RAD54L2: variants seen among roughly 807,000 people sequenced by gnomAD.
RAD54L2 encodes RAD54 like 2, also known as helicase ARIP4.
RAD54L2 carries 27 observed loss-of-function variants against 138.4 expected under a neutral mutation model. The ratio of observed to expected loss-of-function variants is 0.20; its 90% CI spans 0.14 to 0.27. The LOEUF (loss-of-function observed/expected upper bound fraction) is 0.27, where lower values mean the gene tolerates loss of function less well. RAD54L2 is among the 10% of genes least tolerant of loss of function. The probability of loss-of-function intolerance (pLI) is 1.00; values close to 1 mark genes in which losing one functional copy is unlikely to be tolerated. For missense variants in RAD54L2, 1,396 were observed against 1,890.2 expected, an observed-to-expected ratio of 0.74 and a Z score of 4.85; for synonymous variants, 644 against 723.2, an observed-to-expected ratio of 0.89 and a Z score of 1.76.
intron 2 of RAD54L2, among the ~76,000 whole-genome samples, chr3:51,567,233 G>C (rs9816075): frequency 1.3e-5 from 2 of 152,074 alleles, no homozygotes; most frequent in African/African-American, 2.4e-5. Context: ...CTTTTTATAA[G>C]CATAGCTGTG....
chr3:51,552,315 T>C (rs1698858082), intron 2 of RAD54L2, among the ~76,000 whole-genome samples: 1 of 151,952 alleles, frequency 6.6e-6, no homozygotes, highest in Admixed American at 6.6e-5. Context: ...CAGGCTAGAG[T>C]GCAGTGGCAA....
chr3:51,657,520 T>A (rs572562823), intron 20 of RAD54L2, 60 bp from the exon 21 acceptor site: 10 of 1,187,900 alleles, frequency 8.4e-6, no homozygotes, highest in Non-Finnish European at 1.2e-5. Context: ...CTTTGCAATT[T>A]TCCCCCCTCC....
chr3:51,635,214 C>T (rs1313114897), intron 9 of RAD54L2, among the ~76,000 whole-genome samples: 2 of 152,150 alleles, frequency 1.3e-5, no homozygotes, highest in Admixed American at 6.5e-5. Flanking sequence ...CAGAATGTTG[C>T]CCTTCCTTCT....
chr3:51,565,748 C>T (rs140589968), intron 2 of RAD54L2, among the ~76,000 whole-genome samples: 1,962 of 150,308 alleles, frequency 0.013, 21 homozygotes, highest in South Asian at 0.024. Flanking sequence ...GCTGGGATTA[C>T]AGGCGTGAGC....
Position 51,638,416 on chromosome 3 carries a change from A to G in RAD54L2, c.1860+95A>G. On this transcript the variant is annotated intron_variant, in intron 12 of 22. Coordinates refer to ENST00000684192, the MANE Select transcript of RAD54L2 (RefSeq NM_015106.4). This position sits in a 1 kb window ranked among gnomAD's most constrained non-coding sequence, Gnocchi z 4.3. ...TACTGAGAGTCTTCAATAAAGGGAG[A>G]ATAAAGTGAGAGGGGGCCACCTCAG... 1 of 1,467,994 alleles carries G rather than the reference A, an allele frequency of 6.8e-7. No individual in the cohort carries two copies. Among genetic ancestry groups the G allele is most frequent in the Non-Finnish European group, 9.3e-7 (1 of 1,074,098 alleles). 90.9% of individuals were successfully genotyped at this position (1,467,994 alleles called of 1,614,324 possible). A position where few individuals can be genotyped will look rare whatever the true frequency, so the allele number is the denominator to read the frequency against.
intron 3 of RAD54L2, among the ~76,000 whole-genome samples, chr3:51,610,657 A>AAAAAAAAAAAAAAAAAC (rs1180965179): frequency 6.6e-6 from 1 of 151,276 alleles, no homozygotes; most frequent in African/African-American, 2.4e-5. Context: ...AAAAAAAAAA[A>AAAAAAAAAAAAAAAAAC]CAGAAAGAAT....
chr3:51,654,630 C>A (rs1033453346), intron 19 of RAD54L2, among the ~76,000 whole-genome samples: 3 of 152,168 alleles, frequency 2.0e-5, no homozygotes, highest in Non-Finnish European at 4.4e-5. Flanking sequence ...CCATTCCTCC[C>A]TCTTTTTTTT....
chr3:51,573,636 A>T (rs563308479), intron 2 of RAD54L2, among the ~76,000 whole-genome samples: 43 of 152,064 alleles, frequency 2.8e-4, no homozygotes, highest in Middle Eastern at 3.4e-3. Context: ...CGCCTGACTA[A>T]TTTTTGTATT....
At chr3:51,608,936 T>A (rs1700268268) in intron 3 of RAD54L2, among the ~76,000 whole-genome samples, 1 of 152,080 alleles carries the variant, frequency 6.6e-6, no homozygotes, top group Non-Finnish European at 1.5e-5. Flanking sequence ...TGTTGCACAG[T>A]TTGGAGTGCA....
At position 51,588,141 on chromosome 3, in the gene RAD54L2, G is replaced by A. The variant is rs140997020; in HGVS notation, c.-54-2226G>A. Among the ~76,000 whole-genome samples, 169 of 127,066 alleles carry A rather than the reference G, an allele frequency of 1.3e-3. 1 individual carries two copies. The East Asian group carries it at 0.028, about 21-fold the overall frequency. 83.4% of individuals were successfully genotyped at this position (127,066 alleles called of 152,430 possible). ...GTGGAGCTTGCAGTAAGCCAAGATC[G>A]CACCACTGCACTCCAGCCTGGGTGA... is the stretch of plus-strand genomic sequence containing the variant. On this transcript the variant is annotated intron_variant, in intron 2 of 22. Transcript: ENST00000684192.
rs528007339 is a variant in RAD54L2 at position 51,582,781 on chromosome 3, C to T, written c.-54-7586C>T. Among the ~76,000 whole-genome samples the T allele has an allele frequency of 2.2e-4, 27 of 125,538 alleles. No homozygotes were observed. The East Asian group carries it at 8.9e-3, about 42-fold the overall frequency. The allele number at this position is 125,538 out of a possible 152,430, so 82.4% of individuals were successfully genotyped here. On this transcript the variant is annotated intron_variant, in intron 2 of 22. Transcript: ENST00000684192. Reference sequence around the variant, plus strand: ...CCAGGGAAGTCTTTTTTTTTTGAGACGGAGTCTCGCTCTGTCGCCCAGGCC... The same window carrying T: ...CCAGGGAAGTCTTTTTTTTTTGAGATGGAGTCTCGCTCTGTCGCCCAGGCC...
intron 1 of RAD54L2, among the ~76,000 whole-genome samples, chr3:51,539,633 T>C (rs888817054): frequency 2.0e-5 from 3 of 150,000 alleles, no homozygotes; most frequent in Admixed American, 1.3e-4. Flanking sequence ...GTTTGGGGAG[T>C]GTAGAGGAGG....
chr3:51,657,862 G>A (rs1177171969), intron 21 of RAD54L2, among the ~76,000 whole-genome samples, 193 bp downstream of exon 21: 2 of 147,540 alleles, frequency 1.4e-5, no homozygotes, highest in Admixed American at 1.4e-4. Context: ...TAGGGTATTA[G>A]TCAGTGGTTT....
chr3:51,626,434 A>ATTTTTTTTTT (rs1302087610), intron 3 of RAD54L2, among the ~76,000 whole-genome samples: 19 of 12,286 alleles, frequency 1.5e-3, no homozygotes, highest in African/African-American at 3.0e-3. Flanking sequence ...ACCCCCAACG[A>ATTTTTTTTTT]TCTTTTTTTT....
chr3:51,582,858 C>T (rs1339559591), intron 2 of RAD54L2, among the ~76,000 whole-genome samples: 7 of 152,062 alleles, frequency 4.6e-5, no homozygotes, highest in East Asian at 1.9e-4. Flanking sequence ...CTCTGCTTCC[C>T]GGGTTCACGC....
intron 14 of RAD54L2, among the ~76,000 whole-genome samples, chr3:51,640,296 G>A (rs1396101995): frequency 1.3e-5 from 2 of 152,186 alleles, no homozygotes; most frequent in Non-Finnish European, 2.9e-5. Context: ...AACATACAAA[G>A]AATATGCAGC....
chr3:51,574,533 C>T (rs980202006), intron 2 of RAD54L2, among the ~76,000 whole-genome samples: 1 of 152,114 alleles, frequency 6.6e-6, no homozygotes, highest in African/African-American at 2.4e-5. Flanking sequence ...TTAATGATCG[C>T]CATTCTAACT....
Position 51,638,321 on chromosome 3 carries a change from G to A in RAD54L2, c.1860G>A (p.Lys620=). The change falls in exon 12 of 23, where the codon AAG becomes AAA. Residue 620 remains lysine, a splice_region_variant and synonymous_variant. Coordinates refer to ENST00000684192, the MANE Select transcript of RAD54L2 (RefSeq NM_015106.4). The surrounding 1 kb of genome is among the most constrained non-coding windows in gnomAD (Gnocchi z 4.3). ...TTAAGGCATTCTGTGTGTGTTGCAA[G>A]GTGCATTGGGGCCTCAGGGAAGATT... ...NPLKAFCVCC[K]IWNHPDVLYE... 6.2e-7 allele frequency: 1 copy of A among 1,613,534 alleles called. No individual in the cohort carries two copies. The highest frequency in any genetic ancestry group is 1.7e-5 in the Admixed American group (1 of 60,018).
chr3:51,555,071 G>A (rs1698931371), intron 2 of RAD54L2, among the ~76,000 whole-genome samples: 1 of 152,024 alleles, frequency 6.6e-6, no homozygotes, highest in Non-Finnish European at 1.5e-5. Flanking sequence ...TCAAACTCCT[G>A]GCCTCAAGTG....
Sources: gnomAD v4.1 joint callset for allele counts (sites outside exome capture counted in the v4.1 genomes callset) on GRCh38, gnomAD v4.1.1 for gene constraint, Gnocchi (gnomAD v3.1) non-coding constraint, MANE v1.5 for transcripts, NCBI Gene and HGNC (gene_info 2026-07-23, HGNC 2026-07-21) for gene names.